MARCHF11: variants seen among roughly 807,000 people sequenced by gnomAD.
MARCHF11 encodes the protein E3 ubiquitin-protein ligase MARCHF11.
MARCHF11 carries 29 observed loss-of-function variants against 37.3 expected under a neutral mutation model. The ratio of observed to expected loss-of-function variants is 0.78; its 90% CI spans 0.58 to 1.06. MARCHF11 has a LOEUF of 1.06. MARCHF11 is among the 50% of genes least tolerant of loss of function. The pLI, the probability that MARCHF11 is intolerant of heterozygous loss-of-function variation, is 0.00. For synonymous variants in MARCHF11, 233 were observed against 228.0 expected (o/e 1.02, Z -0.20); for missense variants, 482 against 533.4 (o/e 0.90, Z 0.95).
intron 2 of MARCHF11, among the ~76,000 whole-genome samples, chr5:16,118,611 T>C (rs1737258874): frequency 6.6e-6 from 1 of 152,164 alleles, no homozygotes; most frequent in African/African-American, 2.4e-5. Flanking sequence ...GAGCATGAAA[T>C]AATTGCCACA....
At position 16,113,319 on chromosome 5, in the gene MARCHF11, G is replaced by T. The variant is rs116441395; in HGVS notation, c.694-22238C>A. ...TCTAAAGGATGCAATCTATATCTCA[G>T]ATTTGTTCACTATTTCAATAGTGTT... On this transcript the variant is annotated intron_variant, in intron 2 of 3. Coordinates refer to ENST00000332432, the MANE Select transcript of MARCHF11 (RefSeq NM_001102562.3). 8.5e-3 allele frequency among the ~76,000 whole-genome samples: 1,296 copies of T among 152,152 alleles called. 21 individuals carry two copies. The highest frequency in any genetic ancestry group is 0.03 in the African/African-American group (1,233 of 41,504).
chr5:16,128,329 A>G (rs1278113139), intron 2 of MARCHF11, among the ~76,000 whole-genome samples: 3 of 152,132 alleles, frequency 2.0e-5, no homozygotes, highest in African/African-American at 7.2e-5. Context: ...AATAACACTC[A>G]TATCTCTGGA....
chr5:16,067,517 T>C lies in MARCHF11; in HGVS notation c.1163A>G (p.Glu388Gly). The C allele has an allele frequency of 6.2e-7, 1 of 1,613,978 alleles. No individual in the cohort carries two copies. The highest frequency in any genetic ancestry group is 8.5e-7 in the Non-Finnish European group (1 of 1,179,856). Residue 388 changes from glutamate (E) to glycine (G), a missense_variant, in exon 4 of 4, where the codon GAA (glutamate) becomes GGA (glycine). Glu to Gly is a moderately conservative substitution (Grantham distance 98). Transcript: ENST00000332432. ...CACAACCTCCCCCGAGCTGTTATCT[T>C]CTGATAAGTCTTCATGGGGCCTCAT... is the stretch of plus-strand genomic sequence containing the variant. ...NRMRPHEDLS[E>G]DNSSGEVVMR...
intron 2 of MARCHF11, among the ~76,000 whole-genome samples, chr5:16,131,775 C>G (rs2121182): frequency 0.046 from 6,938 of 152,272 alleles, 435 homozygotes; most frequent in African/African-American, 0.15. Context: ...GGAAAGATCA[C>G]TACTTCGTGC....
chr5:16,121,746 C>T (rs1018979229), intron 2 of MARCHF11, among the ~76,000 whole-genome samples: 1 of 152,150 alleles, frequency 6.6e-6, no homozygotes, highest in South Asian at 2.1e-4. Context: ...ATTCATAGAT[C>T]CAAAAATCAA....
intron 2 of MARCHF11, among the ~76,000 whole-genome samples, chr5:16,133,875 G>C (rs1737563065): frequency 6.6e-6 from 1 of 152,044 alleles, no homozygotes; most frequent in Admixed American, 6.6e-5. Context: ...AGCTGCTCTG[G>C]GCTGCTTGTG....
chr5:16,176,687 AAT>A (rs1738370756), intron 2 of MARCHF11, among the ~76,000 whole-genome samples: 1 of 152,236 alleles, frequency 6.6e-6, no homozygotes, highest in African/African-American at 2.4e-5. Flanking sequence ...TTAAATTATT[AAT>A]GCACTAGTAA....
At chr5:16,144,906 C>A (rs540689670) in intron 2 of MARCHF11, among the ~76,000 whole-genome samples, 1 of 152,116 alleles carries the variant, frequency 6.6e-6, no homozygotes, top group Non-Finnish European at 1.5e-5. Flanking sequence ...AGAACACCAG[C>A]AAAATGAAAA....
At chr5:16,136,733 GA>G (rs1197688913) in intron 2 of MARCHF11, among the ~76,000 whole-genome samples, 1 of 152,090 alleles carries the variant, frequency 6.6e-6, no homozygotes, top group African/African-American at 2.4e-5. Flanking sequence ...TCTGGTAAAG[GA>G]AAAGCAATTT....
intron 2 of MARCHF11, among the ~76,000 whole-genome samples, chr5:16,109,482 T>C (rs1002434635): frequency 2.4e-4 from 37 of 152,212 alleles, no homozygotes; most frequent in African/African-American, 8.7e-4. Flanking sequence ...GCCCGGAGGA[T>C]GGTGCCCGGA....
At chr5:16,081,242 G>A (rs1304223593) in intron 3 of MARCHF11, among the ~76,000 whole-genome samples, 1 of 152,110 alleles carries the variant, frequency 6.6e-6, no homozygotes, top group Non-Finnish European at 1.5e-5. Context: ...GGAAAGTAGG[G>A]AATTGTTATA....
chr5:16,116,289 C>T (rs1347668791), intron 2 of MARCHF11, among the ~76,000 whole-genome samples: 1 of 152,048 alleles, frequency 6.6e-6, no homozygotes, highest in African/African-American at 2.4e-5. Context: ...TCAAACTGAC[C>T]ACACTTCAGT....
At chr5:16,114,386 G>A (rs1048459481) in intron 2 of MARCHF11, among the ~76,000 whole-genome samples, 7 of 152,216 alleles carry the variant, frequency 4.6e-5, no homozygotes, top group East Asian at 1.9e-4. Context: ...TGAAAACTGC[G>A]ATTACAAAAC....
chr5:16,159,477 T>C (rs1738036609), intron 2 of MARCHF11, among the ~76,000 whole-genome samples: 1 of 152,000 alleles, frequency 6.6e-6, no homozygotes, highest in Admixed American at 6.6e-5. Context: ...TAATAGGTCA[T>C]ATTCTCTGTG....
intron 2 of MARCHF11, among the ~76,000 whole-genome samples, chr5:16,095,256 T>C (rs1736846688): frequency 6.6e-6 from 1 of 152,148 alleles, no homozygotes; most frequent in African/African-American, 2.4e-5. Flanking sequence ...CTCAGAGTAA[T>C]TCCCCGGGGT....
At chr5:16,170,884 G>A (rs930862743) in intron 2 of MARCHF11, among the ~76,000 whole-genome samples, 8 of 152,012 alleles carry the variant, frequency 5.3e-5, no homozygotes, top group African/African-American at 2.4e-5. Flanking sequence ...CCTGGGGTGG[G>A]GTAAGACCAT....
intron 2 of MARCHF11, among the ~76,000 whole-genome samples, chr5:16,129,488 ATTG>A (rs1737477329): frequency 2.0e-5 from 3 of 152,196 alleles, no homozygotes; most frequent in African/African-American, 7.2e-5. Context: ...CAAATTCTTT[ATTG>A]TTAAGTCAAT....
intron 2 of MARCHF11, among the ~76,000 whole-genome samples, chr5:16,107,686 G>T: frequency 6.6e-6 from 1 of 151,768 alleles, no homozygotes; most frequent in South Asian, 2.1e-4. Flanking sequence ...CCTTTTGGCC[G>T]ATCACGCCCC....
At chr5:16,078,362 A>G (rs1489116963) in intron 3 of MARCHF11, among the ~76,000 whole-genome samples, 1 of 152,206 alleles carries the variant, frequency 6.6e-6, no homozygotes, top group Admixed American at 6.5e-5. Flanking sequence ...TGCCCAGATC[A>G]CAGTAAATAC....
Sources: allele counts gnomAD v4.1 joint callset (sites outside exome capture counted in the v4.1 genomes callset), GRCh38; gene constraint gnomAD v4.1.1; transcripts MANE v1.5; gene names NCBI Gene and HGNC (gene_info 2026-07-23, HGNC 2026-07-21).